The following PCDHA1 variants were observed in gnomAD, a reference collection of about 807,000 sequenced individuals.
The protein encoded by PCDHA1 is protocadherin alpha 1.
Under a neutral mutation model 61.3 loss-of-function variants are expected in PCDHA1, and 42 were observed. That is an observed-to-expected ratio of 0.69 (90% CI 0.54 to 0.89). PCDHA1 has a LOEUF of 0.89. PCDHA1 is among the 40% of genes least tolerant of loss of function. The pLI is 0.00. For missense variants in PCDHA1, 1,256 were observed against 1,235.3 expected, an observed-to-expected ratio of 1.02 and a Z score of -0.25; for synonymous variants, 610 against 553.8, an observed-to-expected ratio of 1.10 and a Z score of -1.43.
chr5:140,968,801 G>T, intron 1 of PCDHA1: 1 of 1,614,216 alleles, frequency 6.2e-7, no homozygotes, highest in Non-Finnish European at 8.5e-7. Context: ...CATTACAGTA[G>T]CTGTGGTGGA....
intron 1 of PCDHA1, among the ~76,000 whole-genome samples, chr5:140,897,713 A>C (rs2066278692): frequency 1.3e-5 from 2 of 152,302 alleles, no homozygotes; most frequent in East Asian, 3.9e-4. Flanking sequence ...CAGTAATGGG[A>C]TGGCTGGGTC....
chr5:140,906,180 C>T (rs1457176453), intron 1 of PCDHA1, among the ~76,000 whole-genome samples: 1 of 152,132 alleles, frequency 6.6e-6, no homozygotes, highest in Non-Finnish European at 1.5e-5. Flanking sequence ...ACTTTGCATC[C>T]TTCAATCCAA....
chr5:140,807,007 C>T, intron 1 of PCDHA1: 5 of 765,922 alleles, frequency 6.5e-6, no homozygotes, highest in Non-Finnish European at 8.3e-6. Context: ...CTCTTTACCA[C>T]AAAATACATG....
chr5:140,883,494 T>C, intron 1 of PCDHA1: 1 of 1,614,208 alleles, frequency 6.2e-7, no homozygotes, highest in Non-Finnish European at 8.5e-7. Flanking sequence ...TCATTAGTGC[T>C]GGACAGCGCC....
intron 1 of PCDHA1, chr5:140,862,613 A>G (rs1247840424): frequency 7.6e-6 from 4 of 522,928 alleles, no homozygotes; most frequent in Non-Finnish European, 1.6e-5. Flanking sequence ...GTGAAAGGTA[A>G]CAACCCGCGG....
intron 3 of PCDHA1, among the ~76,000 whole-genome samples, chr5:140,992,478 A>T (rs2097514142): frequency 6.6e-6 from 1 of 152,210 alleles, no homozygotes; most frequent in African/African-American, 2.4e-5. Flanking sequence ...TAGATCACCC[A>T]GAGGCCAATC....
At chr5:140,968,867 T>C (rs2153774451) in intron 1 of PCDHA1, 2 of 1,614,188 alleles carry the variant, frequency 1.2e-6, no homozygotes, top group Non-Finnish European at 1.7e-6. Flanking sequence ...CCCTCGGACA[T>C]ACTCTGAAAT....
chr5:140,841,198 C>T (rs1554138026), intron 1 of PCDHA1: 1 of 1,281,234 alleles, frequency 7.8e-7, no homozygotes, highest in African/African-American at 1.5e-5. Flanking sequence ...TTTTCTCTGA[C>T]AGCATCTGTC....
intron 1 of PCDHA1, among the ~76,000 whole-genome samples, chr5:140,817,749 C>T (rs2150098940): frequency 6.6e-6 from 1 of 152,086 alleles, no homozygotes; most frequent in Non-Finnish European, 1.5e-5. Context: ...GATCATTTTC[C>T]TTCTGAAGAA....
rs144442346 is a variant in PCDHA1 at position 140,929,817 on chromosome 5, G to A, written c.2395-49132G>A. 1,292 of 158,464 alleles carry A rather than the reference G, an allele frequency of 8.2e-3. 7 individuals are homozygous for A. Among genetic ancestry groups the A allele is most frequent in the African/African-American group, 0.019 (796 of 41,644 alleles). 9.8% of individuals were successfully genotyped at this position (158,464 alleles called of 1,614,324 possible). On this transcript the variant is annotated intron_variant, in intron 1 of 3. Coordinates refer to ENST00000504120, the MANE Select transcript of PCDHA1 (RefSeq NM_018900.4). The stretch of plus-strand genomic sequence containing the variant: ...ATGGGGGTTAAAAGAAGGGAGAAAG[G>A]GAACATAAGAGAACATTTGAGTGAG...
At chr5:140,870,745 G>A (rs369212308) in intron 1 of PCDHA1, 1 of 1,613,530 alleles carries the variant, frequency 6.2e-7, no homozygotes, top group South Asian at 1.1e-5. Context: ...GAGCAGCAAC[G>A]TGACGCTGCA....
intron 1 of PCDHA1, among the ~76,000 whole-genome samples, chr5:140,945,934 T>C (rs1161156525): frequency 2.0e-5 from 3 of 152,092 alleles, no homozygotes; most frequent in African/African-American, 4.8e-5. Context: ...TGAGCAATGA[T>C]GTTTTTTATA....
rs144568392 is a variant in PCDHA1 at position 140,837,758 on chromosome 5, C to T, written c.2394+49074C>T. Among the ~76,000 whole-genome samples the T allele has an allele frequency of 1.3e-4, 19 of 151,820 alleles. No homozygotes were observed. The South Asian group carries it at 1.5e-3, about 12-fold the overall frequency. On this transcript the variant is annotated intron_variant, in intron 1 of 3. Transcript: ENST00000504120. ...GTGGTGGGATTATAGCCCACTGCAA[C>T]CTGAAAGTCCTGGGCTCACAGGATC...
At chr5:140,874,317 A>G (rs1423586280) in intron 1 of PCDHA1, among the ~76,000 whole-genome samples, 2 of 151,836 alleles carry the variant, frequency 1.3e-5, no homozygotes, top group Admixed American at 1.3e-4. Flanking sequence ...GAGTTGTAGG[A>G]TCTTATCTGT....
At chr5:140,978,763 A>G (rs932766044) in intron 1 of PCDHA1, among the ~76,000 whole-genome samples, 186 bp from the exon 2 acceptor site, 11 of 152,258 alleles carry the variant, frequency 7.2e-5, no homozygotes, top group Non-Finnish European at 1.3e-4. Flanking sequence ...GAGGACCCTG[A>G]TGAACTAATT....
At chr5:140,802,211 C>A in intron 1 of PCDHA1, 1 of 1,614,178 alleles carries the variant, frequency 6.2e-7, no homozygotes, top group Non-Finnish European at 8.5e-7. Flanking sequence ...CAGTTCTACT[C>A]GAAATTGTGG....
chr5:140,862,327 A>G (rs1317111352), intron 1 of PCDHA1: 1 of 326,932 alleles, frequency 3.1e-6, no homozygotes, highest in Non-Finnish European at 6.0e-6. Context: ...TAATCAGTGT[A>G]ATTGACCCTA....
chr5:140,835,605 G>A, intron 1 of PCDHA1: 1 of 1,613,894 alleles, frequency 6.2e-7, no homozygotes, highest in Non-Finnish European at 8.5e-7. Context: ...CTATTCATTG[G>A]TGCTGGACAG....
intron 1 of PCDHA1, chr5:140,841,827 C>T: frequency 6.2e-7 from 1 of 1,613,914 alleles, no homozygotes; most frequent in Non-Finnish European, 8.5e-7. Flanking sequence ...TCCGTGTTAA[C>T]CTACAGGCTT....
Sources: gnomAD v4.1 joint callset for allele counts (sites outside exome capture counted in the v4.1 genomes callset) on GRCh38, gnomAD v4.1.1 for gene constraint, MANE v1.5 for transcripts, NCBI Gene and HGNC (gene_info 2026-07-23, HGNC 2026-07-21) for gene names.